Variants in MGRN1 observed in about 807,000 individuals in gnomAD.
The protein encoded by MGRN1 is mahogunin ring finger 1, also known as E3 ubiquitin-protein ligase MGRN1.
Under a neutral mutation model 69.2 loss-of-function variants are expected in MGRN1, and 29 were observed. That is an observed-to-expected ratio of 0.42 (90% CI 0.31 to 0.57). The LOEUF is 0.57. Ranked by LOEUF, MGRN1 falls within the 20% of genes least tolerant of loss-of-function variation. The pLI is 0.15. For missense variants in MGRN1, 998 were observed against 796.2 expected, an observed-to-expected ratio of 1.25 and a Z score of -3.05; for synonymous variants, 470 against 344.2, an observed-to-expected ratio of 1.37 and a Z score of -4.04.
intron 1 of MGRN1, among the ~76,000 whole-genome samples, chr16:4,628,614 G>C (rs1384019735): frequency 6.6e-6 from 1 of 151,930 alleles, no homozygotes; most frequent in Non-Finnish European, 1.5e-5. Context: ...GCATGATCTC[G>C]GCTCAGTGCA....
In MGRN1 at chr16:4,686,892, G is replaced by A. The variant is rs1014554654; in HGVS notation, c.1619-1904G>A. 12 of 985,436 alleles carry A rather than the reference G, an allele frequency of 1.2e-5. No individual in the cohort carries two copies. The East Asian group carries it at 7.9e-4, about 65-fold the overall frequency. 61.0% of individuals were successfully genotyped at this position (985,436 alleles called of 1,614,324 possible). On this transcript the variant is annotated intron_variant, in intron 16 of 16. Transcript: ENST00000262370. ...CCGATTGGGAGAGCCCCTGGATCAC[G>A]TCTTCCCAAGCTCAGTCCCTGTCTC... is the stretch of plus-strand genomic sequence containing the variant.
Position 4,657,292 on chromosome 16 carries a change from AAG to A in MGRN1, c.495_496del (p.Val167GlufsTer12), listed in dbSNP as rs1380772388. On this transcript the variant is annotated frameshift_variant, in exon 5 of 17. Transcript: ENST00000262370. LOFTEE classifies it high-confidence loss of function. ...PSLQSETVHY[K>X]RGVSQQFSLP... ...GCTACAGTCCGAGACCGTCCACTAC[AAG>A]AGAGGGGTGAGCCAGCAGTTCTCCC... 1.2e-6 allele frequency: 2 copies of A among 1,614,012 alleles called. No individual in the cohort carries two copies. Among genetic ancestry groups the A allele is most frequent in the Non-Finnish European group, 1.7e-6 (2 of 1,179,990 alleles).
chr16:4,677,589 G>A lies in MGRN1; in HGVS notation c.1065+17G>A. ...GAGCACTCTGTAAGTGCCGCCTCCT[G>A]CCTGCGGGATGGGCGGGAGAGGGGC... On this transcript the variant is annotated intron_variant, in intron 11 of 16. Transcript: ENST00000262370. The A allele has an allele frequency of 6.3e-7, 1 of 1,596,934 alleles. No homozygotes were observed. Among genetic ancestry groups the A allele is most frequent in the South Asian group, 1.1e-5 (1 of 90,994 alleles).
At chr16:4,687,578 TACACACACACAC>T (rs60384408) in intron 16 of MGRN1, 54 of 931,896 alleles carry the variant, frequency 5.8e-5, no homozygotes, top group African/African-American at 6.3e-5. Context: ...AAAAAAAAAA[TACACACACACAC>T]ACACACACAC....
chr16:4,687,783 C>T (rs1221266504), intron 16 of MGRN1: 13 of 985,362 alleles, frequency 1.3e-5, no homozygotes, highest in African/African-American at 1.7e-5. Context: ...CTAAGAGGCC[C>T]TTTCCCCTTG....
chr16:4,663,171 C>G (rs562264543), intron 5 of MGRN1, among the ~76,000 whole-genome samples: 7 of 152,258 alleles, frequency 4.6e-5, no homozygotes, highest in Admixed American at 4.6e-4. Context: ...TCAAGTGATT[C>G]TCCTACCTCA....
intron 11 of MGRN1, among the ~76,000 whole-genome samples, chr16:4,679,283 G>A (rs1596314057): frequency 6.6e-6 from 1 of 152,290 alleles, no homozygotes; most frequent in African/African-American, 2.4e-5. Flanking sequence ...TGTTCTGGTG[G>A]CTGAGGATCC....
chr16:4,661,588 C>G (rs758191868), intron 5 of MGRN1, among the ~76,000 whole-genome samples: 1 of 152,268 alleles, frequency 6.6e-6, no homozygotes, highest in African/African-American at 2.4e-5. Context: ...GACTTGATGC[C>G]GGCAGCCTTG....
At chr16:4,675,950 G>A (rs2079044214) in intron 10 of MGRN1, among the ~76,000 whole-genome samples, 1 of 152,240 alleles carries the variant, frequency 6.6e-6, no homozygotes, top group Non-Finnish European at 1.5e-5. Context: ...CCCACTGGTA[G>A]GCCCTTGCCC....
chr16:4,660,622 G>A (rs535723502), intron 5 of MGRN1, among the ~76,000 whole-genome samples: 1 of 152,244 alleles, frequency 6.6e-6, no homozygotes, highest in Non-Finnish European at 1.5e-5. Flanking sequence ...GGGTGGATGC[G>A]CTCCAGAAAG....
At position 4,657,262 on chromosome 16, in the gene MGRN1, C is replaced by G. The variant is rs894769781; in HGVS notation, c.460C>G (p.Pro154Ala). Residue 154 changes from proline to alanine, a missense_variant, in exon 5 of 17, where the codon CCC becomes GCC. By Grantham distance (27) the Pro-to-Ala change is conservative (BLOSUM62 -1). Coordinates refer to ENST00000262370, the MANE Select transcript of MGRN1 (RefSeq NM_015246.4). ...TCCCTGCAGATACAGCCCCAAGAGC[C>G]CCTCGCTACAGTCCGAGACCGTCCA... ...NGRAVYSPKS[P>A]SLQSETVHYK... 5 of 1,613,992 alleles carry G rather than the reference C, an allele frequency of 3.1e-6. No homozygotes were observed. The highest frequency in any genetic ancestry group is 4.2e-6 in the Non-Finnish European group (5 of 1,179,870).
At chr16:4,680,255 GTGGAA>G in intron 12 of MGRN1, 158 bp downstream of exon 12, 1 of 717,340 alleles carries the variant, frequency 1.4e-6, no homozygotes, top group Non-Finnish European at 2.3e-6. Flanking sequence ...CAGGGAGTTT[GTGGAA>G]CCGGAAAAGC....
intron 11 of MGRN1, among the ~76,000 whole-genome samples, chr16:4,679,636 C>T (rs571589517): frequency 2.0e-5 from 3 of 152,326 alleles, no homozygotes; most frequent in South Asian, 2.1e-4. Flanking sequence ...GCCTGGGCAC[C>T]GGCTGGCTGG....
intron 5 of MGRN1, among the ~76,000 whole-genome samples, chr16:4,662,324 G>T (rs1338775791): frequency 6.6e-6 from 1 of 152,044 alleles, no homozygotes; most frequent in Non-Finnish European, 1.5e-5. Flanking sequence ...AGACCAGCTT[G>T]GCCAACATGG....
intron 7 of MGRN1, among the ~76,000 whole-genome samples, chr16:4,667,439 C>T (rs1464540594): frequency 1.3e-5 from 2 of 152,208 alleles, no homozygotes; most frequent in Non-Finnish European, 2.9e-5. Flanking sequence ...AGCTGCTCTC[C>T]CCGGCCCGGA....
intron 1 of MGRN1, among the ~76,000 whole-genome samples, chr16:4,634,126 C>T (rs769032452): frequency 2.6e-5 from 4 of 152,196 alleles, no homozygotes; most frequent in Non-Finnish European, 5.9e-5. Context: ...CCCTCCTGTG[C>T]CAGTGACTTC....
chr16:4,628,498 G>C (rs575504609), intron 1 of MGRN1, among the ~76,000 whole-genome samples: 7 of 151,802 alleles, frequency 4.6e-5, no homozygotes, highest in East Asian at 3.9e-4. Flanking sequence ...CCTTCCATCT[G>C]TTTGCAGAGT....
intron 10 of MGRN1, 122 bp downstream of exon 10, chr16:4,673,779 C>T (rs1403856481): frequency 7.8e-7 from 1 of 1,280,844 alleles, no homozygotes; most frequent in African/African-American, 1.5e-5. Context: ...AGTTGTCATT[C>T]ATCTAGTCTG....
intron 4 of MGRN1, 75 bp from the exon 5 acceptor site, chr16:4,657,171 G>T (rs1596288595): frequency 5.8e-6 from 8 of 1,389,382 alleles, no homozygotes; most frequent in African/African-American, 1.4e-5. Context: ...CCTTCCAGCT[G>T]TCGGAGTGGG....
Sources: gnomAD v4.1 joint callset for allele counts (sites outside exome capture counted in the v4.1 genomes callset) on GRCh38, gnomAD v4.1.1 for gene constraint, MANE v1.5 for transcripts, NCBI Gene and HGNC (gene_info 2026-07-23, HGNC 2026-07-21) for gene names.